Variants in CHCHD6 observed in about 807,000 individuals in gnomAD.
CHCHD6 encodes coiled-coil-helix-coiled-coil-helix domain containing 6.
CHCHD6 carries 28 observed loss-of-function variants against 32.3 expected under a neutral mutation model. The ratio of observed to expected loss-of-function variants is 0.87; its 90% CI spans 0.64 to 1.19. The LOEUF (loss-of-function observed/expected upper bound fraction) is 1.19. CHCHD6 is among the 50% of genes most tolerant of loss of function. The pLI is 0.00. For missense variants in CHCHD6, 333 were observed against 307.0 expected, an observed-to-expected ratio of 1.08 and a Z score of -0.63; for synonymous variants, 122 against 117.5, an observed-to-expected ratio of 1.04 and a Z score of -0.25.
At chr3:126,941,514 C>A (rs1024443373) in intron 6 of CHCHD6, among the ~76,000 whole-genome samples, 1 of 152,176 alleles carries the variant, frequency 6.6e-6, no homozygotes, top group African/African-American at 2.4e-5. Flanking sequence ...CAAACTTTCC[C>A]AACCCCACTC....
At chr3:126,856,560 G>T (rs1314361369) in intron 5 of CHCHD6, among the ~76,000 whole-genome samples, 1 of 152,230 alleles carries the variant, frequency 6.6e-6, no homozygotes, top group East Asian at 1.9e-4. Context: ...TTGCTCAGTT[G>T]CCAGTTTGTA....
chr3:126,724,508 T>A (rs569403820), intron 1 of CHCHD6, among the ~76,000 whole-genome samples: 1 of 152,326 alleles, frequency 6.6e-6, no homozygotes, highest in South Asian at 2.1e-4. Flanking sequence ...ATAATCTTTT[T>A]GCTGGTGGGG....
At chr3:126,746,477 C>G (rs994434440) in intron 4 of CHCHD6, among the ~76,000 whole-genome samples, 1 of 152,166 alleles carries the variant, frequency 6.6e-6, no homozygotes, top group Non-Finnish European at 1.5e-5. Context: ...CTCTACATCT[C>G]CCCTGGCAGC....
chr3:126,916,811 A>G (rs1218467018), intron 6 of CHCHD6, among the ~76,000 whole-genome samples: 1 of 152,254 alleles, frequency 6.6e-6, no homozygotes, highest in East Asian at 1.9e-4. Flanking sequence ...CAGCTACAGC[A>G]TGGATGTGAT....
intron 4 of CHCHD6, among the ~76,000 whole-genome samples, chr3:126,754,035 C>T (rs1044480706): frequency 6.6e-6 from 1 of 152,232 alleles, no homozygotes; most frequent in African/African-American, 2.4e-5. Flanking sequence ...GCAGCATTGA[C>T]ATCCCTGTTA....
rs935689090 is a variant in CHCHD6, at chr3:126,953,026, G to A, written c.567-4390G>A. On this transcript the variant is annotated intron_variant, in intron 6 of 7. Coordinates refer to ENST00000290913, the MANE Select transcript of CHCHD6 (RefSeq NM_032343.3). ...ACTGAATGCCAATGATTCCTTCAGGGCCACACTGCGTTACTGAGCATGTTC... is the reference window on the plus strand; with the variant it reads ...ACTGAATGCCAATGATTCCTTCAGGACCACACTGCGTTACTGAGCATGTTC... 9.1e-6 allele frequency: 9 copies of A among 985,344 alleles called. No individual in the cohort carries two copies. The African/African-American group carries it at 1.6e-4, about 17-fold the overall frequency. The allele number at this position is 985,344 out of a possible 1,614,324, so 61.0% of individuals were successfully genotyped here. A position where few individuals can be genotyped will look rare whatever the true frequency, so the allele number is the denominator to read the frequency against.
chr3:126,726,702 G>A (rs540736899), intron 1 of CHCHD6, among the ~76,000 whole-genome samples: 101 of 152,352 alleles, frequency 6.6e-4, no homozygotes, highest in Middle Eastern at 6.8e-3. Flanking sequence ...ATTTGGATGG[G>A]TGGAGATGTC....
intron 4 of CHCHD6, among the ~76,000 whole-genome samples, chr3:126,788,978 TAC>T (rs934578821): frequency 1.7e-4 from 26 of 152,214 alleles, no homozygotes; most frequent in Non-Finnish European, 3.1e-4. Flanking sequence ...AATTTCCCTC[TAC>T]ACACTGCTTT....
intron 6 of CHCHD6, among the ~76,000 whole-genome samples, chr3:126,955,852 C>T (rs2078776292): frequency 1.3e-5 from 2 of 152,132 alleles, no homozygotes; most frequent in Admixed American, 6.5e-5. Context: ...AGACCTGCTC[C>T]TCCCTGCTCC....
intron 4 of CHCHD6, among the ~76,000 whole-genome samples, chr3:126,784,412 A>G (rs1339779284): frequency 6.6e-6 from 1 of 152,040 alleles, no homozygotes; most frequent in Non-Finnish European, 1.5e-5. Context: ...CTTGTCAGCC[A>G]TTGTGGATGT....
At chr3:126,929,687 T>C (rs2078376265) in intron 6 of CHCHD6, among the ~76,000 whole-genome samples, 2 of 152,148 alleles carry the variant, frequency 1.3e-5, no homozygotes, top group South Asian at 4.1e-4. Context: ...TGCCTCAGCC[T>C]CCTGAGTAGC....
intron 4 of CHCHD6, among the ~76,000 whole-genome samples, chr3:126,796,150 G>A (rs932014138): frequency 2.0e-5 from 3 of 152,104 alleles, no homozygotes; most frequent in African/African-American, 7.2e-5. Flanking sequence ...TTCAAGACGA[G>A]CCTGGGCACC....
intron 5 of CHCHD6, among the ~76,000 whole-genome samples, chr3:126,892,953 G>GTTGTTTTGTTTTGTTTTGTT (rs199872466): frequency 6.6e-6 from 1 of 151,586 alleles, no homozygotes; most frequent in African/African-American, 2.4e-5. Context: ...TGTTGTTGTT[G>GTTGTTTTGTTTTGTTTTGTT]TTGTTTTGTT....
chr3:126,859,894 G>A lies in CHCHD6; in HGVS notation c.495+7164G>A, dbSNP rs532422032. On this transcript the variant is annotated intron_variant, in intron 5 of 7. Coordinates refer to ENST00000290913, the MANE Select transcript of CHCHD6 (RefSeq NM_032343.3). The stretch of plus-strand genomic sequence containing the variant: ...AGGCCTCGCTCATGCTGGCGTGAAG[G>A]CCCCGTGAGCTGTGTTGAGGATGCA... Among the ~76,000 whole-genome samples, 4 of 152,330 alleles carry A rather than the reference G, an allele frequency of 2.6e-5. No homozygotes were observed. In the South Asian group the frequency reaches 6.2e-4, roughly 24 times the overall value.
chr3:126,834,551 A>G (rs956665231), intron 4 of CHCHD6, among the ~76,000 whole-genome samples: 3 of 152,146 alleles, frequency 2.0e-5, no homozygotes, highest in Non-Finnish European at 4.4e-5. Context: ...AAGCCCTACC[A>G]GTTGCATCAT....
At chr3:126,935,668 A>T (rs1398252722) in intron 6 of CHCHD6, among the ~76,000 whole-genome samples, 2 of 152,254 alleles carry the variant, frequency 1.3e-5, no homozygotes. Flanking sequence ...TAAAGGGAAA[A>T]ATAGTGTTCA....
intron 6 of CHCHD6, among the ~76,000 whole-genome samples, chr3:126,916,188 G>T (rs879507174): frequency 1.3e-5 from 2 of 151,888 alleles, no homozygotes; most frequent in East Asian, 3.9e-4. Context: ...ATCACCTGAG[G>T]TCAAGAGTTC....
chr3:126,899,121 C>T (rs2077883979), intron 5 of CHCHD6, among the ~76,000 whole-genome samples: 1 of 152,204 alleles, frequency 6.6e-6, no homozygotes, highest in Non-Finnish European at 1.5e-5. Flanking sequence ...TTTACTGTAA[C>T]TGCCTTTCTG....
intron 6 of CHCHD6, among the ~76,000 whole-genome samples, chr3:126,956,143 A>T (rs2078780263): frequency 6.6e-6 from 1 of 152,116 alleles, no homozygotes; most frequent in Non-Finnish European, 1.5e-5. Context: ...TGACCTACAT[A>T]TCTCTCTCTC....
Sources: gnomAD v4.1 joint callset for allele counts (sites outside exome capture counted in the v4.1 genomes callset) on GRCh38, gnomAD v4.1.1 for gene constraint, MANE v1.5 for transcripts, NCBI Gene and HGNC (gene_info 2026-07-23, HGNC 2026-07-21) for gene names.